MARCHF1: variants seen among roughly 807,000 people sequenced by gnomAD.
MARCHF1 encodes E3 ubiquitin-protein ligase MARCHF1.
Under a neutral mutation model 54.2 loss-of-function variants are expected in MARCHF1, and 40 were observed. That is an observed-to-expected ratio of 0.74 (90% CI 0.57 to 0.96). MARCHF1 has a LOEUF of 0.96. Among genes scored for constraint, MARCHF1 ranks in the 40% least tolerant of loss-of-function variants. The pLI, the probability that MARCHF1 is intolerant of heterozygous loss-of-function variation, is 0.00. For synonymous variants in MARCHF1, 236 were observed against 236.3 expected (o/e 1.00, Z 0.01); for missense variants, 586 against 656.5 (o/e 0.89, Z 1.17).
At chr4:164,190,111 A>G in intron 1 of MARCHF1, 1 of 1,475,202 alleles carries the variant, frequency 6.8e-7, no homozygotes, top group Non-Finnish European at 9.3e-7. Flanking sequence ...GGAGATAAAG[A>G]AAAGCTGGGA....
chr4:163,822,510 T>C (rs1454572602), intron 4 of MARCHF1, among the ~76,000 whole-genome samples: 1 of 151,934 alleles, frequency 6.6e-6, no homozygotes, highest in Non-Finnish European at 1.5e-5. Context: ...ATACGATTCT[T>C]TTTAAAAAAT....
chr4:164,275,287 C>T (rs1733850666), intron 1 of MARCHF1, among the ~76,000 whole-genome samples: 1 of 152,128 alleles, frequency 6.6e-6, no homozygotes. Context: ...AAACTGTTTT[C>T]CTCGTCTGCG....
intron 5 of MARCHF1, among the ~76,000 whole-genome samples, chr4:163,659,596 T>C (rs1743271826): frequency 6.6e-6 from 1 of 151,956 alleles, no homozygotes; most frequent in African/African-American, 2.4e-5. Flanking sequence ...CAAAGGAAAC[T>C]ATCATGAGAC....
At chr4:164,067,959 CAT>C (rs745745144) in intron 2 of MARCHF1, among the ~76,000 whole-genome samples, 4 of 152,076 alleles carry the variant, frequency 2.6e-5, no homozygotes, top group Non-Finnish European at 5.9e-5. Flanking sequence ...AGCCTAAAAA[CAT>C]ATGAAAAAAT....
At chr4:163,765,472 T>C (rs987054700) in intron 4 of MARCHF1, among the ~76,000 whole-genome samples, 2 of 152,152 alleles carry the variant, frequency 1.3e-5, no homozygotes, top group Non-Finnish European at 2.9e-5. Context: ...AATCTGTCAA[T>C]TGTAGCCATA....
chr4:164,187,636 C>A (rs1731005958), intron 1 of MARCHF1, among the ~76,000 whole-genome samples: 1 of 152,158 alleles, frequency 6.6e-6, no homozygotes, highest in Non-Finnish European at 1.5e-5. Context: ...GGGCAACTGG[C>A]AGCTGCAATA....
chr4:163,697,745 A>G (rs1744681211), intron 5 of MARCHF1, among the ~76,000 whole-genome samples: 1 of 152,180 alleles, frequency 6.6e-6, no homozygotes, highest in Admixed American at 6.5e-5. Flanking sequence ...GAGTAATACT[A>G]TTACTGACAT....
intron 1 of MARCHF1, among the ~76,000 whole-genome samples, chr4:164,269,343 C>T (rs1005742323): frequency 3.3e-5 from 5 of 151,964 alleles, no homozygotes; most frequent in Admixed American, 2.0e-4. Flanking sequence ...TCAGATAAGC[C>T]ACCCTCACAA....
At chr4:163,788,674 T>C (rs936236981) in intron 4 of MARCHF1, among the ~76,000 whole-genome samples, 5 of 152,032 alleles carry the variant, frequency 3.3e-5, no homozygotes, top group African/African-American at 9.7e-5. Flanking sequence ...TCTCACTGCA[T>C]CATATCAGGA....
intron 5 of MARCHF1, among the ~76,000 whole-genome samples, chr4:163,633,304 T>C (rs370014399): frequency 3.2e-4 from 48 of 152,138 alleles, no homozygotes; most frequent in African/African-American, 9.6e-4. Context: ...CTCTGAGCTA[T>C]GGGAGGACAT....
At chr4:163,825,841 C>T (rs1317448055) in intron 4 of MARCHF1, among the ~76,000 whole-genome samples, 2 of 151,762 alleles carry the variant, frequency 1.3e-5, no homozygotes, top group African/African-American at 4.8e-5. Flanking sequence ...CAGCTACTAG[C>T]AATTCATTTT....
intron 3 of MARCHF1, among the ~76,000 whole-genome samples, chr4:163,885,270 A>G (rs1454471298): frequency 6.6e-6 from 1 of 152,144 alleles, no homozygotes. Flanking sequence ...GCATGTCTCA[A>G]CCTTCCTTCA....
chr4:164,194,966 A>G (rs1579612422), intron 1 of MARCHF1, among the ~76,000 whole-genome samples: 1 of 149,374 alleles, frequency 6.7e-6, no homozygotes, highest in Non-Finnish European at 1.5e-5. Context: ...CCTCCCCTAG[A>G]CCCCCACCCC....
At chr4:163,653,416 T>C (rs1391379881) in intron 5 of MARCHF1, among the ~76,000 whole-genome samples, 2 of 151,684 alleles carry the variant, frequency 1.3e-5, no homozygotes, top group African/African-American at 4.8e-5. Context: ...AGTGACATGA[T>C]CGGATTTATA....
intron 3 of MARCHF1, among the ~76,000 whole-genome samples, chr4:163,865,447 C>A (rs1186147167): frequency 6.6e-6 from 1 of 151,756 alleles, no homozygotes; most frequent in Non-Finnish European, 1.5e-5. Context: ...GATTTATGGC[C>A]TGCATCTTAA....
chr4:164,212,659 T>G (rs2111122815), intron 1 of MARCHF1, among the ~76,000 whole-genome samples: 1 of 152,290 alleles, frequency 6.6e-6, no homozygotes, highest in African/African-American at 2.4e-5. Flanking sequence ...CTTTAGAAGA[T>G]CAGATAGCAA....
intron 1 of MARCHF1, among the ~76,000 whole-genome samples, chr4:164,346,034 CA>C (rs1367945984): frequency 1.3e-5 from 2 of 152,112 alleles, no homozygotes; most frequent in Non-Finnish European, 2.9e-5. Flanking sequence ...GAATGTTTTT[CA>C]GGCCAATGGT....
intron 1 of MARCHF1, among the ~76,000 whole-genome samples, chr4:164,127,743 G>T (rs1756216148): frequency 6.6e-6 from 1 of 152,110 alleles, no homozygotes; most frequent in South Asian, 2.1e-4. Flanking sequence ...TATGAAAGAT[G>T]CAAAGTAAAC....
intron 5 of MARCHF1, among the ~76,000 whole-genome samples, chr4:163,690,948 G>A (rs933459625): frequency 4.6e-5 from 7 of 152,146 alleles, no homozygotes; most frequent in Non-Finnish European, 8.8e-5. Context: ...CGCTGGCTGT[G>A]GGAAGCACAA....
Sources: allele counts gnomAD v4.1 joint callset (sites outside exome capture counted in the v4.1 genomes callset), GRCh38; gene constraint gnomAD v4.1.1; transcripts MANE v1.5; gene names NCBI Gene and HGNC (gene_info 2026-07-23, HGNC 2026-07-21).